The following UXS1 variants were observed in gnomAD, a reference collection of about 807,000 sequenced individuals.
UXS1 encodes UDP-glucuronic acid decarboxylase 1.
In UXS1, 33 loss-of-function variants were observed where a neutral mutation model predicts 62.6. That is an observed-to-expected ratio of 0.53 (90% CI 0.40 to 0.70). The LOEUF is 0.70. Among genes scored for constraint, UXS1 ranks in the 30% least tolerant of loss-of-function variants. The probability of loss-of-function intolerance (pLI) is 0.00; values close to 1 mark genes in which losing one functional copy is unlikely to be tolerated. For synonymous variants in UXS1, 213 were observed against 206.8 expected, an observed-to-expected ratio of 1.03 and a Z score of -0.26; for missense variants, 434 against 556.3, an observed-to-expected ratio of 0.78 and a Z score of 2.21.
chr2:106,128,131 T>C (rs990563325), intron 7 of UXS1, among the ~76,000 whole-genome samples: 1 of 152,038 alleles, frequency 6.6e-6, no homozygotes, highest in Non-Finnish European at 1.5e-5. Context: ...TTTTCCTCTA[T>C]GGTCTAGTTC....
intron 1 of UXS1, among the ~76,000 whole-genome samples, chr2:106,186,799 C>T (rs1248871043): frequency 2.6e-5 from 4 of 151,818 alleles, no homozygotes; most frequent in African/African-American, 7.3e-5. Context: ...GCATGGACAA[C>T]AGATTGAAAC....
rs762499899 is a variant in UXS1, at chr2:106,094,133, T to C, written c.1171A>G (p.Lys391Glu). ...PVVPLEEGLNKAIHYFRKELE... is the reference protein window; with the variant it reads ...PVVPLEEGLNEAIHYFRKELE... The stretch of plus-strand genomic sequence containing the variant: ...TCTTTACGGAAGTAGTGAATTGCTT[T>C]GTTTAAACCTTCCTCCAGCGGGACC... Residue 391 changes from lysine to glutamate, a missense_variant, in exon 15 of 15, where the codon AAA becomes GAA. Coordinates refer to ENST00000283148, the MANE Select transcript of UXS1 (RefSeq NM_001253875.2). The C allele has an allele frequency of 1.2e-6, 2 of 1,611,682 alleles. No individual in the cohort carries two copies. Among genetic ancestry groups the C allele is most frequent in the Non-Finnish European group, 1.7e-6 (2 of 1,179,656 alleles).
At chr2:106,144,812 TC>T (rs1327850180) in intron 6 of UXS1, among the ~76,000 whole-genome samples, 18 of 152,280 alleles carry the variant, frequency 1.2e-4, no homozygotes, top group African/African-American at 4.3e-4. Flanking sequence ...CGACTCTGTC[TC>T]CATGAACTCA....
intron 7 of UXS1, among the ~76,000 whole-genome samples, chr2:106,128,188 G>A (rs1479008742): frequency 2.0e-5 from 3 of 152,124 alleles, no homozygotes; most frequent in Non-Finnish European, 4.4e-5. Flanking sequence ...GGAGGGGTAG[G>A]CGCTTGTGAT....
chr2:106,185,741 T>C (rs1367797862), intron 1 of UXS1, among the ~76,000 whole-genome samples: 2 of 152,348 alleles, frequency 1.3e-5, no homozygotes, highest in Admixed American at 6.5e-5. Context: ...GATTATCCAG[T>C]TGGGCTCTAA....
intron 9 of UXS1, among the ~76,000 whole-genome samples, chr2:106,115,975 G>A (rs1679022325): frequency 6.6e-6 from 1 of 152,166 alleles, no homozygotes; most frequent in Non-Finnish European, 1.5e-5. Context: ...GGCTCCCAAA[G>A]GCCCTTTGGA....
chr2:106,166,082 A>T lies in UXS1; in HGVS notation c.96T>A (p.Ser32=). ...TCATATTAACGAAGTTGCCCCAAAC[A>T]GCTGTAAGAGAAAGAAAAAAGGAAG... The part of the protein sequence containing the change: ...LGIALLAYVA[S]VWGNFVNMSF... The change falls in exon 2 of 15, where the codon TCT becomes TCA. Residue 32 remains serine (S), a splice_region_variant and synonymous_variant. Transcript: ENST00000283148. The T allele has an allele frequency of 6.2e-7, 1 of 1,611,104 alleles. No homozygotes were observed. The highest frequency in any genetic ancestry group is 8.5e-7 in the Non-Finnish European group (1 of 1,178,844).
At chr2:106,101,762 A>G (rs1677619345) in intron 11 of UXS1, 1 of 152,352 alleles carries the variant, frequency 6.6e-6, no homozygotes, top group African/African-American at 2.4e-5. Flanking sequence ...GTGATCAACT[A>G]GGCCATGAAG....
At chr2:106,179,076 G>A (rs924102000) in intron 1 of UXS1, among the ~76,000 whole-genome samples, 1 of 152,068 alleles carries the variant, frequency 6.6e-6, no homozygotes, top group African/African-American at 2.4e-5. Flanking sequence ...ACTGGTGTCT[G>A]GCTCTCTCCT....
chr2:106,110,046 T>C (rs1678452884), intron 10 of UXS1, among the ~76,000 whole-genome samples: 1 of 152,202 alleles, frequency 6.6e-6, no homozygotes, highest in African/African-American at 2.4e-5. Context: ...CAGAGCCATC[T>C]GACAAGAGCA....
intron 6 of UXS1, chr2:106,138,717 G>A (rs981196902): frequency 1.4e-5 from 14 of 985,410 alleles, no homozygotes; most frequent in South Asian, 4.7e-5. Context: ...GCTGAGGGCC[G>A]CCCCATCAGA....
At chr2:106,103,748 G>GT (rs1176754459) in intron 11 of UXS1, among the ~76,000 whole-genome samples, 1 of 152,196 alleles carries the variant, frequency 6.6e-6, no homozygotes, top group African/African-American at 2.4e-5. Context: ...TACTGGCTGT[G>GT]TAAATGTTTA....
intron 5 of UXS1, among the ~76,000 whole-genome samples, chr2:106,151,415 A>G (rs572928644): frequency 3.3e-5 from 5 of 152,280 alleles, no homozygotes; most frequent in Admixed American, 2.0e-4. Flanking sequence ...CCCCACCCTC[A>G]TGAATGAATT....
chr2:106,112,967 G>C (rs1678743043), intron 9 of UXS1, among the ~76,000 whole-genome samples: 1 of 152,176 alleles, frequency 6.6e-6, no homozygotes, highest in African/African-American at 2.4e-5. Context: ...ACCAAAGAGA[G>C]TCAAAGCTGT....
intron 5 of UXS1, among the ~76,000 whole-genome samples, chr2:106,148,763 C>T (rs1427192636): frequency 6.6e-6 from 1 of 152,226 alleles, no homozygotes; most frequent in Non-Finnish European, 1.5e-5. Flanking sequence ...TTAGCACTTA[C>T]AAAGCTCTAT....
intron 13 of UXS1, 40 bp from the exon 14 acceptor site, chr2:106,096,861 A>G (rs1677154728): frequency 6.5e-7 from 1 of 1,541,094 alleles, no homozygotes; most frequent in African/African-American, 1.4e-5. Flanking sequence ...AGAGAATCAC[A>G]AAGCATGGGT....
At chr2:106,126,290 A>G (rs970955087) in intron 7 of UXS1, among the ~76,000 whole-genome samples, 1 of 152,160 alleles carries the variant, frequency 6.6e-6, no homozygotes, top group African/African-American at 2.4e-5. Flanking sequence ...GTAAGTATGG[A>G]AAGTCTTCCA....
chr2:106,145,516 A>T, intron 5 of UXS1, 146 bp from the exon 6 acceptor site: 2 of 995,854 alleles, frequency 2.0e-6, no homozygotes, highest in Non-Finnish European at 2.8e-6. Context: ...AAAGGTTTTA[A>T]GGTAGCATCT....
At chr2:106,121,531 G>A (rs961277796) in intron 9 of UXS1, among the ~76,000 whole-genome samples, 3 of 152,180 alleles carry the variant, frequency 2.0e-5, no homozygotes, top group Non-Finnish European at 2.9e-5. Context: ...ACTCTAGTCA[G>A]TACTCCTAAG....
Sources: allele counts gnomAD v4.1 joint callset (sites outside exome capture counted in the v4.1 genomes callset), GRCh38; gene constraint gnomAD v4.1.1; transcripts MANE v1.5; gene names NCBI Gene and HGNC (gene_info 2026-07-23, HGNC 2026-07-21).